G6PC1: variants seen among roughly 807,000 people sequenced by gnomAD.
G6PC1 encodes the protein G-6-Pase.
Under a neutral mutation model 30.4 loss-of-function variants are expected in G6PC1, and 23 were observed. The ratio of observed to expected loss-of-function variants is 0.76; its 90% CI spans 0.55 to 1.07. The LOEUF (loss-of-function observed/expected upper bound fraction) is 1.07, where lower values mean the gene tolerates loss of function less well. G6PC1 is among the 50% of genes least tolerant of loss of function. The probability of loss-of-function intolerance (pLI) is 0.00; values close to 1 mark genes in which losing one functional copy is unlikely to be tolerated. For synonymous variants in G6PC1, 163 were observed against 175.6 expected, an observed-to-expected ratio of 0.93 and a Z score of 0.57; for missense variants, 391 against 433.9, an observed-to-expected ratio of 0.90 and a Z score of 0.88.
At chr17:42,907,939 CCA>C (rs139724906) in intron 3 of G6PC1, among the ~76,000 whole-genome samples, 2 of 152,328 alleles carry the variant, frequency 1.3e-5, no homozygotes, top group African/African-American at 4.8e-5. Context: ...TCTGTACCAA[CCA>C]CAGAGTCACC....
At chr17:42,908,463 G>A (rs2056075212) in intron 3 of G6PC1, among the ~76,000 whole-genome samples, 1 of 150,174 alleles carries the variant, frequency 6.7e-6, no homozygotes, top group Non-Finnish European at 1.5e-5. Context: ...CTGGAGTGCA[G>A]TGGCGCCATC....
intron 1 of G6PC1, among the ~76,000 whole-genome samples, chr17:42,902,518 G>C (rs2056032851): frequency 6.6e-6 from 1 of 152,104 alleles, no homozygotes; most frequent in South Asian, 2.1e-4. Flanking sequence ...CTAAGTGCTA[G>C]GATTACAGGC....
At chr17:42,908,694 C>T (rs566857085) in intron 3 of G6PC1, among the ~76,000 whole-genome samples, 40 of 145,836 alleles carry the variant, frequency 2.7e-4, no homozygotes, top group African/African-American at 7.4e-4. Context: ...CATGAGCCAC[C>T]GCGCCTGGCC....
Position 42,911,150 on chromosome 17 carries a change from C to T in G6PC1, c.798C>T (p.Gly266=), listed in dbSNP as rs1376958926. Reference sequence around the variant, plus strand: ...TTGCCAGCCTCCTCAAGAACCTGGGCACGCTCTTTGGCCTGGGGCTGGCTC... The same window carrying T: ...TTGCCAGCCTCCTCAAGAACCTGGGTACGCTCTTTGGCCTGGGGCTGGCTC... ...TPFASLLKNL[G]TLFGLGLALN... Residue 266 remains glycine (G), a synonymous_variant, in exon 5 of 5, where the codon GGC becomes GGT. Transcript: ENST00000253801. 2 of 1,614,136 alleles carry T rather than the reference C, an allele frequency of 1.2e-6. No individual in the cohort carries two copies. Among genetic ancestry groups the T allele is most frequent in the Non-Finnish European group, 1.7e-6 (2 of 1,180,014 alleles).
At chr17:42,905,111 C>CA (rs920158617) in intron 2 of G6PC1, among the ~76,000 whole-genome samples, 11 of 144,840 alleles carry the variant, frequency 7.6e-5, no homozygotes, top group South Asian at 6.6e-4. Context: ...GACTCTGTCT[C>CA]AAAAAAAAAG....
rs1436380632 is a variant in G6PC1 at position 42,912,517 on chromosome 17, A to C, written c.*1091A>C. The C allele has an allele frequency of 1.3e-5, 2 of 152,308 alleles. No homozygotes were observed. The highest frequency in any genetic ancestry group is 2.9e-5 in the Non-Finnish European group (2 of 68,074). 9.4% of individuals were successfully genotyped at this position (152,308 alleles called of 1,614,324 possible). ...TGGGCAAAATGACAAGGGGAGGGCC[A>C]GGATTCCTCTCTCAGGTCACTCCAG... is the stretch of plus-strand genomic sequence containing the variant. On this transcript the variant is annotated 3_prime_UTR_variant, in exon 5 of 5. Transcript: ENST00000253801.
At chr17:42,902,781 G>A (rs750985812) in intron 1 of G6PC1, among the ~76,000 whole-genome samples, 1 of 152,112 alleles carries the variant, frequency 6.6e-6, no homozygotes, top group Non-Finnish European at 1.5e-5. Context: ...TGGTTTGTCT[G>A]AGATACTCTG....
In G6PC1 at chr17:42,901,021, A is replaced by C; in HGVS notation, c.145A>C (p.Ile49Leu). 1.9e-6 allele frequency: 3 copies of C among 1,614,152 alleles called. No homozygotes were observed. The highest frequency in any genetic ancestry group is 2.5e-6 in the Non-Finnish European group (3 of 1,180,014). The change falls in exon 1 of 5, where the codon ATC becomes CTC. Residue 49 changes from isoleucine (I) to leucine (L), a missense_variant. Ile to Leu is a conservative substitution (Grantham distance 5). Transcript: ENST00000253801. ...GAATGCCTTCTACGTCCTCTTCCCC[A>C]TCTGGTTCCATCTTCAGGAAGCTGT... ...LRNAFYVLFPIWFHLQEAVGI... is the reference protein window; with the variant it reads ...LRNAFYVLFPLWFHLQEAVGI...
chr17:42,901,465 C>T (rs1320341634), intron 1 of G6PC1, among the ~76,000 whole-genome samples: 5 of 152,106 alleles, frequency 3.3e-5, no homozygotes, highest in Non-Finnish European at 7.3e-5. Context: ...CACCTGTAAT[C>T]CCAGCACTTT....
chr17:42,905,521 A>G (rs2056056221), intron 2 of G6PC1, among the ~76,000 whole-genome samples: 1 of 143,058 alleles, frequency 7.0e-6, no homozygotes, highest in Non-Finnish European at 1.5e-5. Flanking sequence ...AAAAAAAAAA[A>G]GAAGAAGAAG....
In G6PC1 at chr17:42,912,725, A is replaced by G. The variant is rs2056103967; in HGVS notation, c.*1299A>G. 6.7e-6 allele frequency: 1 copy of G among 148,628 alleles called. No individual in the cohort carries two copies. Among genetic ancestry groups the G allele is most frequent in the African/African-American group, 2.5e-5 (1 of 40,086 alleles). The allele number at this position is 148,628 out of a possible 1,614,324, so 9.2% of individuals were successfully genotyped here. Reference sequence around the variant, plus strand: ...GCTCAAGCAGTCCTCCCACCCTACCACAGCGTCCCGCGTAGCTGGGACTAC... The same window carrying G: ...GCTCAAGCAGTCCTCCCACCCTACCGCAGCGTCCCGCGTAGCTGGGACTAC... On this transcript the variant is annotated 3_prime_UTR_variant, in exon 5 of 5. Coordinates refer to ENST00000253801, the MANE Select transcript of G6PC1 (RefSeq NM_000151.4).
rs1477331388 is a variant in G6PC1 at position 42,911,763 on chromosome 17, TC to T, written c.*338del. 3.2e-5 allele frequency: 12 copies of T among 379,336 alleles called. No homozygotes were observed. The highest frequency in any genetic ancestry group is 5.9e-5 in the Non-Finnish European group (12 of 202,064). 23.5% of individuals were successfully genotyped at this position (379,336 alleles called of 1,614,324 possible). A position where few individuals can be genotyped will look rare whatever the true frequency, so the allele number is the denominator to read the frequency against. On this transcript the variant is annotated 3_prime_UTR_variant, in exon 5 of 5. Transcript: ENST00000253801. The stretch of plus-strand genomic sequence containing the variant: ...AACAGCCCATTTTATCTTTGAATGG[TC>T]TTCTGCCAGCCCATTTTGAGGCCAG...
intron 3 of G6PC1, 90 bp downstream of exon 3, chr17:42,907,718 C>G: frequency 1.1e-6 from 1 of 888,864 alleles, no homozygotes; most frequent in Non-Finnish European, 1.8e-6. Context: ...CTCACATCCC[C>G]CTAGCCCGCT....
At position 42,911,542 on chromosome 17, in the gene G6PC1, C is replaced by A. The variant is rs957762177; in HGVS notation, c.*116C>A. ...GCAAGTGACATGCCATCCATTCTGC[C>A]GTCGTGGAATTAAATCACGGATGGC... is the stretch of plus-strand genomic sequence containing the variant. On this transcript the variant is annotated 3_prime_UTR_variant, in exon 5 of 5. Coordinates refer to ENST00000253801, the MANE Select transcript of G6PC1 (RefSeq NM_000151.4). 2.0e-6 allele frequency: 3 copies of A among 1,499,932 alleles called. No homozygotes were observed. In the South Asian group the frequency reaches 3.4e-5, roughly 17 times the overall value. 92.9% of individuals were successfully genotyped at this position (1,499,932 alleles called of 1,614,324 possible). A position where few individuals can be genotyped will look rare whatever the true frequency, so the allele number is the denominator to read the frequency against.
In G6PC1 at chr17:42,902,840, C is replaced by T. The variant is rs111481412; in HGVS notation, c.231-1091C>T. On this transcript the variant is annotated intron_variant, in intron 1 of 4. Transcript: ENST00000253801. ...ACAAGCATCTGAAGCTATATACATCCTTACAGAGAGCAATTCTGATGGAAA... is the reference window on the plus strand; with the variant it reads ...ACAAGCATCTGAAGCTATATACATCTTTACAGAGAGCAATTCTGATGGAAA... 9.9e-5 allele frequency among the ~76,000 whole-genome samples: 15 copies of T among 152,236 alleles called. 1 individual carries two copies. The highest frequency in any genetic ancestry group is 3.4e-4 in the African/African-American group (14 of 41,538).
rs2056106139 is a variant in G6PC1, at chr17:42,913,004, T to A, written c.*1578T>A. 3 of 152,018 alleles carry A rather than the reference T, an allele frequency of 2.0e-5. No homozygotes were observed. Among genetic ancestry groups the A allele is most frequent in the Admixed American group, 1.3e-4 (2 of 15,230 alleles). The allele number at this position is 152,018 out of a possible 1,614,324, so 9.4% of individuals were successfully genotyped here. ...TTTTAGAAGAGATGGGATTTCATCA[T>A]GTTGGCCAGGCTGGTCTCGAACTCC... is the stretch of plus-strand genomic sequence containing the variant. On this transcript the variant is annotated 3_prime_UTR_variant, in exon 5 of 5. Transcript: ENST00000253801.
rs750470654 is a variant in G6PC1 at position 42,909,365 on chromosome 17, G to A, written c.509G>A (p.Arg170Gln). Residue 170 changes from arginine to glutamine, a missense_variant, in exon 4 of 5, where the codon CGA (arginine) becomes CAA (glutamine). Transcript: ENST00000253801. ...GTGCAGCTGAATGTCTGTCTGTCAC[G>A]AATCTACCTTGCTGCTCATTTTCCT... ...WAVQLNVCLS[R>Q]IYLAAHFPHQ... 9 of 1,614,020 alleles carry A rather than the reference G, an allele frequency of 5.6e-6. No homozygotes were observed. The highest frequency in any genetic ancestry group is 2.7e-5 in the African/African-American group (2 of 74,900).
chr17:42,905,128 A>G (rs2056050555), intron 2 of G6PC1, among the ~76,000 whole-genome samples: 2 of 150,810 alleles, frequency 1.3e-5, no homozygotes. Context: ...AAAGTAAACT[A>G]TTAATATGTA....
Position 42,910,972 on chromosome 17 carries a change from A to G in G6PC1, c.620A>G (p.Lys207Arg). The stretch of plus-strand genomic sequence containing the variant: ...CACAGCATCTATAATGCCAGCCTCA[A>G]GAAATATTTTCTCATTACCTTCTTC... ...HIHSIYNASL[K>R]KYFLITFFLF... is the part of the protein sequence containing the mutation. The change falls in exon 5 of 5, where the codon AAG (lysine) becomes AGG (arginine). Residue 207 changes from lysine to arginine, a missense_variant. Physicochemically the swap from Lys to Arg is conservative, Grantham distance 26 (BLOSUM62 2). Coordinates refer to ENST00000253801, the MANE Select transcript of G6PC1 (RefSeq NM_000151.4). The G allele has an allele frequency of 1.2e-6, 2 of 1,614,174 alleles. No individual in the cohort carries two copies. Among genetic ancestry groups the G allele is most frequent in the South Asian group, 1.1e-5 (1 of 91,080 alleles).
Sources: gnomAD v4.1 joint callset for allele counts (sites outside exome capture counted in the v4.1 genomes callset) on GRCh38, gnomAD v4.1.1 for gene constraint, MANE v1.5 for transcripts, NCBI Gene and HGNC (gene_info 2026-07-23, HGNC 2026-07-21) for gene names.